The following MDH2 variants were observed in gnomAD, a reference collection of about 807,000 sequenced individuals.
The protein encoded by MDH2 is malate dehydrogenase, mitochondrial.
A neutral mutation model predicts 33.6 loss-of-function variants in MDH2; 25 were observed. That is an observed-to-expected ratio of 0.74 (90% CI 0.54 to 1.04). MDH2 has a LOEUF of 1.04. Ranked by LOEUF, MDH2 falls within the 50% of genes least tolerant of loss-of-function variation. The pLI is 0.00. For synonymous variants in MDH2, 193 were observed against 188.7 expected, an observed-to-expected ratio of 1.02 and a Z score of -0.19; for missense variants, 432 against 445.0, an observed-to-expected ratio of 0.97 and a Z score of 0.26.
chr7:76,054,785 A>G, intron 1 of MDH2, 45 bp from the exon 2 acceptor site: 9 of 1,611,482 alleles, frequency 5.6e-6, no homozygotes, highest in Non-Finnish European at 7.6e-6. Flanking sequence ...AATCCTTTTC[A>G]TGCTCATTTC....
intron 1 of MDH2, chr7:76,048,810 G>T: frequency 8.2e-7 from 1 of 1,218,582 alleles, no homozygotes; most frequent in Non-Finnish European, 1.0e-6. Flanking sequence ...TGAGCCTGCC[G>T]CCAGGTGTCT....
intron 1 of MDH2, among the ~76,000 whole-genome samples, chr7:76,053,814 C>T (rs1797688587): frequency 6.6e-6 from 1 of 152,146 alleles, no homozygotes; most frequent in African/African-American, 2.4e-5. Context: ...AACAAGCTCC[C>T]TGGGTATGGC....
At chr7:76,059,718 C>CT (rs782282598) in intron 4 of MDH2, among the ~76,000 whole-genome samples, 32 of 152,316 alleles carry the variant, frequency 2.1e-4, no homozygotes, top group Non-Finnish European at 3.8e-4. Flanking sequence ...CTCCTGGCCT[C>CT]TAAGGGTCCT....
chr7:76,056,737 G>A (rs979992875), intron 2 of MDH2, among the ~76,000 whole-genome samples: 17 of 152,188 alleles, frequency 1.1e-4, no homozygotes, highest in African/African-American at 4.1e-4. Flanking sequence ...GTTTGGGCTG[G>A]CACAGTGGGT....
At chr7:76,049,158 T>G in intron 1 of MDH2, 1 of 952,692 alleles carries the variant, frequency 1.0e-6, no homozygotes, top group South Asian at 4.9e-5. Flanking sequence ...CCAGTTCATT[T>G]GAAAAATAAA....
At chr7:76,057,360 CT>C in intron 2 of MDH2, 49 bp from the exon 3 acceptor site, 1 of 1,606,672 alleles carries the variant, frequency 6.2e-7, no homozygotes, top group East Asian at 2.2e-5. Context: ...CTTTCCAGGC[CT>C]CTCTGAATCA....
intron 4 of MDH2, 79 bp downstream of exon 4, chr7:76,058,157 C>A: frequency 7.6e-7 from 1 of 1,307,300 alleles, no homozygotes; most frequent in Non-Finnish European, 1.1e-6. Context: ...TCACGGTTTG[C>A]AGCAAAGGCT....
At chr7:76,053,653 T>C (rs1383708712) in intron 1 of MDH2, among the ~76,000 whole-genome samples, 3 of 152,176 alleles carry the variant, frequency 2.0e-5, no homozygotes, top group Non-Finnish European at 4.4e-5. Flanking sequence ...TAGAAGACTG[T>C]GCAGTGATGC....
At chr7:76,049,648 C>G (rs1258159861) in intron 1 of MDH2, among the ~76,000 whole-genome samples, 4 of 151,844 alleles carry the variant, frequency 2.6e-5, no homozygotes, top group African/African-American at 9.7e-5. Flanking sequence ...TTCAGATATC[C>G]GACATATTTA....
chr7:76,052,009 A>G (rs1479801808), intron 1 of MDH2, among the ~76,000 whole-genome samples: 1 of 152,214 alleles, frequency 6.6e-6, no homozygotes, highest in Non-Finnish European at 1.5e-5. Flanking sequence ...ATCCTGTAAT[A>G]TACAAACAGT....
At chr7:76,056,038 G>A (rs1797768106) in intron 2 of MDH2, among the ~76,000 whole-genome samples, 1 of 152,108 alleles carries the variant, frequency 6.6e-6, no homozygotes, top group Admixed American at 6.6e-5. Context: ...ATGTTGGCCA[G>A]GCTGGTCTAG....
Position 76,063,517 on chromosome 7 carries a change from T to C in MDH2, c.558T>C (p.Gly186=). The C allele has an allele frequency of 1.9e-6, 3 of 1,614,188 alleles. No homozygotes were observed. The highest frequency in any genetic ancestry group is 2.5e-6 in the Non-Finnish European group (3 of 1,180,008). ...RANTFVAELK[G]LDPARVNVPV... is the part of the protein sequence containing the mutation. ...CAGCTTCATACTTTGGTCACCAGGG[T>C]TTGGATCCAGCTCGAGTCAACGTCC... Residue 186 remains glycine, a splice_region_variant and synonymous_variant, in exon 6 of 9, where the codon GGT becomes GGC. Transcript: ENST00000315758.
intron 5 of MDH2, among the ~76,000 whole-genome samples, chr7:76,062,612 G>A (rs1247474989): frequency 5.9e-5 from 9 of 152,202 alleles, no homozygotes; most frequent in African/African-American, 1.7e-4. Context: ...GTTATTGTCC[G>A]TTTTAAGAAA....
intron 1 of MDH2, among the ~76,000 whole-genome samples, chr7:76,050,410 C>A (rs891707547): frequency 1.3e-5 from 2 of 152,172 alleles, no homozygotes; most frequent in East Asian, 3.9e-4. Flanking sequence ...AAGCAGAGAT[C>A]ACATCATATG....
rs1267574647 is a variant in MDH2, at chr7:76,067,190, A to T, written c.*780A>T. 3 of 152,162 alleles carry T rather than the reference A, an allele frequency of 2.0e-5. No homozygotes were observed. Among genetic ancestry groups the T allele is most frequent in the African/African-American group, 7.2e-5 (3 of 41,442 alleles). 9.4% of individuals were successfully genotyped at this position (152,162 alleles called of 1,614,324 possible). A position where few individuals can be genotyped will look rare whatever the true frequency, so the allele number is the denominator to read the frequency against. On this transcript the variant is annotated 3_prime_UTR_variant, in exon 9 of 9. Coordinates refer to ENST00000315758, the MANE Select transcript of MDH2 (RefSeq NM_005918.4). ...TACTGAGGAGTGCGGAATTAAAGAG[A>T]TTTGACTCCCTTTAGTATTGGGGGC...
chr7:76,055,342 C>G lies in MDH2; in HGVS notation c.235+344C>G, dbSNP rs1797738482. Among the ~76,000 whole-genome samples, 3 of 152,076 alleles carry G rather than the reference C, an allele frequency of 2.0e-5. No individual in the cohort carries two copies. In the South Asian group the frequency reaches 6.2e-4, roughly 32 times the overall value. On this transcript the variant is annotated intron_variant, in intron 2 of 8. Transcript: ENST00000315758. ...AGCTGCGGGCCACCTTCCCTCCACC[C>G]CAGGGTTATCTTGCCAGCTTCTCAA...
At chr7:76,055,092 T>G (rs901154862) in intron 2 of MDH2, 94 bp downstream of exon 2, 71 of 1,361,926 alleles carry the variant, frequency 5.2e-5, no homozygotes, top group Non-Finnish European at 6.3e-5. Flanking sequence ...ACTAAATGTT[T>G]AGAGACGGGG....
At position 76,057,391 on chromosome 7, in the gene MDH2, TGTG is replaced by T. The variant is rs782657309; in HGVS notation, c.236-17_236-15del. On this transcript the variant is annotated splice_polypyrimidine_tract_variant and intron_variant, in intron 2 of 8. Transcript: ENST00000315758. ...GAATCAGAAACGGTGACATTTCTCT[TGTG>T]GGGTGTTTGTTCTAGGCTACCTCGG... 2 of 1,613,624 alleles carry T rather than the reference TGTG, an allele frequency of 1.2e-6. No homozygotes were observed. Among genetic ancestry groups the T allele is most frequent in the East Asian group, 4.5e-5 (2 of 44,888 alleles).
Position 76,057,467 on chromosome 7 carries a change from T to C in MDH2, c.293T>C (p.Ile98Thr). 6.2e-7 allele frequency: 1 copy of C among 1,614,184 alleles called. No individual in the cohort carries two copies. Among genetic ancestry groups the C allele is most frequent in the South Asian group, 1.1e-5 (1 of 91,086 alleles). ...CTGAAAGGTTGTGATGTGGTAGTTA[T>C]TCCGGCTGGAGTCCCCAGAAAGCCA... Reference protein sequence around the residue: ...DCLKGCDVVVIPAGVPRKPGM... With the variant: ...DCLKGCDVVVTPAGVPRKPGM... Residue 98 changes from isoleucine (I) to threonine (T), a missense_variant, in exon 3 of 9, where the codon ATT (isoleucine) becomes ACT (threonine). Transcript: ENST00000315758.
Sources: gnomAD v4.1 joint callset for allele counts (sites outside exome capture counted in the v4.1 genomes callset) on GRCh38, gnomAD v4.1.1 for gene constraint, MANE v1.5 for transcripts, NCBI Gene and HGNC (gene_info 2026-07-23, HGNC 2026-07-21) for gene names.